Variants in SLX4IP observed in about 807,000 individuals in gnomAD.
SLX4IP encodes protein SLX4IP.
In SLX4IP, 34 loss-of-function variants were observed where a neutral mutation model predicts 32.9. That is an observed-to-expected ratio of 1.03 (90% CI 0.79 to 1.38). The LOEUF (loss-of-function observed/expected upper bound fraction) is 1.38. Among genes scored for constraint, SLX4IP ranks in the 40% most tolerant of loss-of-function variants. The probability of loss-of-function intolerance (pLI) is 0.00; values close to 1 mark genes in which losing one functional copy is unlikely to be tolerated. For missense variants in SLX4IP, 444 were observed against 479.0 expected (o/e 0.93, Z 0.68); for synonymous variants, 172 against 171.7 (o/e 1.00, Z -0.01).
chr20:10,625,173 G>A lies in SLX4IP; in HGVS notation c.*1794G>A, dbSNP rs1248369683. On this transcript the variant is annotated 3_prime_UTR_variant, in exon 8 of 8. Coordinates refer to ENST00000334534, the MANE Select transcript of SLX4IP (RefSeq NM_001009608.3). ...ACCTGGTAGAATGTGCATTTCCATGGCCCACTGTAGGCGCCTCTCTTAGAG... is the reference window on the plus strand; with the variant it reads ...ACCTGGTAGAATGTGCATTTCCATGACCCACTGTAGGCGCCTCTCTTAGAG... The A allele has an allele frequency of 1.3e-5, 2 of 152,340 alleles. No individual in the cohort carries two copies. The highest frequency in any genetic ancestry group is 3.9e-4 in the East Asian group (2 of 5,190). The allele number at this position is 152,340 out of a possible 1,614,324, so 9.4% of individuals were successfully genotyped here.
At chr20:10,454,294 C>T (rs1434104827) in intron 1 of SLX4IP, among the ~76,000 whole-genome samples, 1 of 152,010 alleles carries the variant, frequency 6.6e-6, no homozygotes, top group African/African-American at 2.4e-5. Flanking sequence ...CCCAAGGAAC[C>T]CCTATGTCAG....
chr20:10,491,121 CT>C (rs1163402101), intron 2 of SLX4IP, among the ~76,000 whole-genome samples: 6 of 151,504 alleles, frequency 4.0e-5, no homozygotes, highest in South Asian at 2.1e-4. Context: ...TCTTGTCTTG[CT>C]TTGTCACTTG....
intron 2 of SLX4IP, among the ~76,000 whole-genome samples, chr20:10,518,474 T>TC (rs1399455441): frequency 0.015 from 787 of 50,846 alleles, 45 homozygotes; most frequent in Non-Finnish European, 0.029. Flanking sequence ...TTTCCTTTCT[T>TC]TTCCTTTCCT....
At chr20:10,452,257 G>A (rs934849053) in intron 1 of SLX4IP, among the ~76,000 whole-genome samples, 4 of 151,684 alleles carry the variant, frequency 2.6e-5, no homozygotes, top group African/African-American at 9.7e-5. Context: ...CAGGCAGGGC[G>A]TGGTGGCTCC....
At chr20:10,595,646 A>G (rs3748469) in intron 4 of SLX4IP, among the ~76,000 whole-genome samples, 10,860 of 152,254 alleles carry the variant, frequency 0.071, 619 homozygotes, top group South Asian at 0.23. Flanking sequence ...TGTAGTCTTT[A>G]TCATTGCCTT....
chr20:10,481,327 A>C, intron 2 of SLX4IP, among the ~76,000 whole-genome samples: 1 of 152,202 alleles, frequency 6.6e-6, no homozygotes, highest in East Asian at 1.9e-4. Context: ...ATATGGAGTC[A>C]TCTTAAGTGT....
intron 1 of SLX4IP, among the ~76,000 whole-genome samples, chr20:10,453,307 CGTGTGTGTGT>C (rs1555805264): frequency 1.4e-5 from 2 of 142,886 alleles, no homozygotes; most frequent in Non-Finnish European, 3.0e-5. Context: ...AAAACTCATC[CGTGTGTGTGT>C]GTGTGTGTGT....
chr20:10,456,733 A>T (rs1386319833), intron 1 of SLX4IP, among the ~76,000 whole-genome samples: 1 of 152,168 alleles, frequency 6.6e-6, no homozygotes, highest in Non-Finnish European at 1.5e-5. Flanking sequence ...TTGCATTTTC[A>T]TATACGTTTT....
chr20:10,589,881 T>G (rs1370950471), intron 4 of SLX4IP, among the ~76,000 whole-genome samples: 4 of 152,158 alleles, frequency 2.6e-5, no homozygotes, highest in African/African-American at 7.2e-5. Flanking sequence ...TTTACACCTT[T>G]TTTTGTCTAG....
At chr20:10,498,427 G>T (rs1459696428) in intron 2 of SLX4IP, among the ~76,000 whole-genome samples, 1 of 152,052 alleles carries the variant, frequency 6.6e-6, no homozygotes, top group East Asian at 1.9e-4. Flanking sequence ...CCCCTGCCAG[G>T]TCTGTGGTAT....
intron 2 of SLX4IP, among the ~76,000 whole-genome samples, chr20:10,510,086 G>C (rs1331084835): frequency 6.6e-6 from 1 of 152,116 alleles, no homozygotes; most frequent in Non-Finnish European, 1.5e-5. Context: ...GGTCATTTTT[G>C]AGCCTAATGT....
intron 4 of SLX4IP, among the ~76,000 whole-genome samples, chr20:10,564,907 C>T (rs1262768659): frequency 1.3e-5 from 2 of 152,126 alleles, no homozygotes; most frequent in Non-Finnish European, 2.9e-5. Flanking sequence ...TAATTTTTGC[C>T]AGACTGACAG....
intron 2 of SLX4IP, among the ~76,000 whole-genome samples, chr20:10,514,545 T>C (rs181111515): frequency 2.3e-3 from 354 of 152,320 alleles, no homozygotes; most frequent in Non-Finnish European, 4.2e-3. Flanking sequence ...AGGATCACCC[T>C]CTGTACAATG....
chr20:10,545,167 T>C (rs963054773), intron 2 of SLX4IP, among the ~76,000 whole-genome samples: 1 of 152,094 alleles, frequency 6.6e-6, no homozygotes, highest in African/African-American at 2.4e-5. Flanking sequence ...AGTGGGTAAA[T>C]ATCCCTAAGG....
At chr20:10,508,333 C>T (rs1488197579) in intron 2 of SLX4IP, among the ~76,000 whole-genome samples, 1 of 152,232 alleles carries the variant, frequency 6.6e-6, no homozygotes. Flanking sequence ...TTATAGCATT[C>T]CTGTAGCATG....
intron 1 of SLX4IP, among the ~76,000 whole-genome samples, chr20:10,448,524 C>T (rs764641277): frequency 6.6e-6 from 1 of 152,194 alleles, no homozygotes; most frequent in Non-Finnish European, 1.5e-5. Flanking sequence ...TCAAAGCCTT[C>T]GCACACTGAA....
intron 6 of SLX4IP, among the ~76,000 whole-genome samples, chr20:10,611,124 C>T (rs2066962128): frequency 6.6e-6 from 1 of 152,144 alleles, no homozygotes; most frequent in Admixed American, 6.5e-5. Context: ...TTAAAATGTT[C>T]CAGTTTCATA....
At chr20:10,514,878 G>A (rs536663518) in intron 2 of SLX4IP, among the ~76,000 whole-genome samples, 1 of 152,204 alleles carries the variant, frequency 6.6e-6, no homozygotes, top group Non-Finnish European at 1.5e-5. Context: ...TGTATGTCAG[G>A]TTAAGCAATT....
At chr20:10,486,341 T>G (rs188685279) in intron 2 of SLX4IP, among the ~76,000 whole-genome samples, 361 of 126,132 alleles carry the variant, frequency 2.9e-3, no homozygotes, top group African/African-American at 9.8e-3. Context: ...GACATTACCA[T>G]GCACAGAGTG....
Sources: gnomAD v4.1 joint callset for allele counts (sites outside exome capture counted in the v4.1 genomes callset) on GRCh38, gnomAD v4.1.1 for gene constraint, MANE v1.5 for transcripts, NCBI Gene and HGNC (gene_info 2026-07-23, HGNC 2026-07-21) for gene names.